The following PIK3CB variants were observed in gnomAD, a reference collection of about 807,000 sequenced individuals.
The protein encoded by PIK3CB is phosphatidylinositol 4,5-bisphosphate 3-kinase catalytic subunit beta isoform.
Under a neutral mutation model 136.8 loss-of-function variants are expected in PIK3CB, and 39 were observed. The observed-to-expected ratio is 0.29, with a 90% confidence interval of 0.22 to 0.37. PIK3CB has a LOEUF of 0.37. PIK3CB is among the 10% of genes least tolerant of loss of function. The probability of loss-of-function intolerance (pLI) is 1.00; values close to 1 mark genes in which losing one functional copy is unlikely to be tolerated. For missense variants in PIK3CB, 868 were observed against 1,275.4 expected, an observed-to-expected ratio of 0.68 and a Z score of 4.87; for synonymous variants, 428 against 436.6, an observed-to-expected ratio of 0.98 and a Z score of 0.25.
At chr3:138,712,124 G>T in intron 10 of PIK3CB, 84 bp downstream of exon 10, 1 of 564,092 alleles carries the variant, frequency 1.8e-6, no homozygotes, top group East Asian at 3.3e-5. Context: ...TAAATTGAAA[G>T]AACGGTGATT....
At chr3:138,724,455 G>A (rs1259808351) in intron 8 of PIK3CB, among the ~76,000 whole-genome samples, 2 of 152,140 alleles carry the variant, frequency 1.3e-5, no homozygotes, top group African/African-American at 4.8e-5. Context: ...TTTTTATGGA[G>A]GAGGCTCCAT....
At chr3:138,684,912 A>T in intron 16 of PIK3CB, 109 bp from the exon 17 acceptor site, 1 of 651,112 alleles carries the variant, frequency 1.5e-6, no homozygotes, top group Non-Finnish European at 2.5e-6. Context: ...ACATAACCAT[A>T]AACACACATA....
intron 2 of PIK3CB, among the ~76,000 whole-genome samples, chr3:138,760,756 A>C (rs573232858): frequency 1.6e-4 from 25 of 152,130 alleles, no homozygotes; most frequent in African/African-American, 3.6e-4. Flanking sequence ...ACATACAAAA[A>C]ATTGGCCAGG....
intron 1 of PIK3CB, among the ~76,000 whole-genome samples, chr3:138,809,562 C>T (rs1213084867): frequency 2.1e-5 from 3 of 140,736 alleles, no homozygotes; most frequent in African/African-American, 8.0e-5. Context: ...GCCAAGATTG[C>T]ACCATTGCAC....
At chr3:138,697,526 C>A (rs2044163522) in intron 13 of PIK3CB, among the ~76,000 whole-genome samples, 1 of 152,128 alleles carries the variant, frequency 6.6e-6, no homozygotes, top group Non-Finnish European at 1.5e-5. Flanking sequence ...ACCTCAGCCT[C>A]CCGGGCTCGA....
intron 1 of PIK3CB, among the ~76,000 whole-genome samples, chr3:138,832,075 A>C (rs1934062894): frequency 6.6e-6 from 1 of 152,238 alleles, no homozygotes; most frequent in African/African-American, 2.4e-5. Context: ...TGAGTTCAAC[A>C]GTCTAAGCTA....
At chr3:138,810,287 A>G (rs775940549) in intron 1 of PIK3CB, among the ~76,000 whole-genome samples, 2 of 152,168 alleles carry the variant, frequency 1.3e-5, no homozygotes, top group Non-Finnish European at 2.9e-5. Context: ...GAAAGGAACT[A>G]TAACGCCCCA....
Position 138,759,256 on chromosome 3 carries a change from T to C in PIK3CB, c.88A>G (p.Ile30Val). ...GTGGGCAAAAGGAAATCCACAGGTA[T>C]GGAGCCATCAGATGCTATCTGTGAA... The part of the protein sequence containing the change: ...VDSQIASDGS[I>V]PVDFLLPTGI... The change falls in exon 3 of 24, where the codon ATA becomes GTA. Residue 30 changes from isoleucine (I) to valine (V), a missense_variant. Ile to Val is a conservative substitution (Grantham distance 29). This residue lies in a region of PIK3CB where 612 missense variants were observed against 801.1 expected (regional missense o/e 0.76). Transcript: ENST00000674063. 6.2e-7 allele frequency: 1 copy of C among 1,613,410 alleles called. No homozygotes were observed. Among genetic ancestry groups the C allele is most frequent in the Non-Finnish European group, 8.5e-7 (1 of 1,179,408 alleles).
At chr3:138,718,035 C>T (rs1014677285) in intron 8 of PIK3CB, among the ~76,000 whole-genome samples, 5 of 152,152 alleles carry the variant, frequency 3.3e-5, no homozygotes, top group Non-Finnish European at 5.9e-5. Flanking sequence ...ATTTCTATTC[C>T]TCTGGGTATA....
intron 2 of PIK3CB, among the ~76,000 whole-genome samples, chr3:138,769,604 G>A: frequency 6.6e-6 from 1 of 152,284 alleles, no homozygotes; most frequent in Middle Eastern, 3.4e-3. Flanking sequence ...ACAAAATGTG[G>A]TGTTCTGCAA....
intron 4 of PIK3CB, among the ~76,000 whole-genome samples, chr3:138,754,114 G>A (rs2045522458): frequency 6.6e-6 from 1 of 151,664 alleles, no homozygotes; most frequent in Non-Finnish European, 1.5e-5. Context: ...CTTTTTATGG[G>A]CATGAGAACA....
chr3:138,671,974 T>A (rs1453533329), intron 19 of PIK3CB, among the ~76,000 whole-genome samples: 1 of 152,158 alleles, frequency 6.6e-6, no homozygotes, highest in South Asian at 2.1e-4. Flanking sequence ...AAGTTAGTCC[T>A]CTTTCTAAAT....
chr3:138,703,371 C>T (rs571132279), intron 12 of PIK3CB, among the ~76,000 whole-genome samples: 1 of 152,270 alleles, frequency 6.6e-6, no homozygotes, highest in South Asian at 2.1e-4. Flanking sequence ...GAAAAACATA[C>T]ACATTGTCTC....
chr3:138,721,711 A>G (rs904968293), intron 8 of PIK3CB, among the ~76,000 whole-genome samples: 2 of 152,146 alleles, frequency 1.3e-5, no homozygotes, highest in African/African-American at 4.8e-5. Flanking sequence ...CAGTACTAAG[A>G]CTGAATTAAT....
chr3:138,805,237 G>T lies in PIK3CB; in HGVS notation c.-121-8670C>A, dbSNP rs368809493. Reference sequence around the variant, plus strand: ...AATCTCAGCTACTCAGGAGGCTGAGGCAGGAGAATTCCTTGAACCCGGGAG... The same window carrying T: ...AATCTCAGCTACTCAGGAGGCTGAGTCAGGAGAATTCCTTGAACCCGGGAG... On this transcript the variant is annotated intron_variant, in intron 1 of 23. Coordinates refer to ENST00000674063, the MANE Select transcript of PIK3CB (RefSeq NM_006219.3). 3.5e-4 allele frequency among the ~76,000 whole-genome samples: 53 copies of T among 151,222 alleles called. No homozygotes were observed. The South Asian group carries it at 0.01, about 30-fold the overall frequency.
At chr3:138,697,799 T>C (rs1375969663) in intron 13 of PIK3CB, among the ~76,000 whole-genome samples, 1 of 152,062 alleles carries the variant, frequency 6.6e-6, no homozygotes, top group African/African-American at 2.4e-5. Context: ...TGCAATGGCA[T>C]TTGGTTCACT....
chr3:138,764,103 T>C (rs2045698076), intron 2 of PIK3CB, among the ~76,000 whole-genome samples: 2 of 137,332 alleles, frequency 1.5e-5, no homozygotes, highest in Admixed American at 7.6e-5. Context: ...AGGGCAAGAC[T>C]CCATCTCCAA....
chr3:138,757,654 G>C (rs1301691978), intron 3 of PIK3CB, among the ~76,000 whole-genome samples: 3 of 142,156 alleles, frequency 2.1e-5, no homozygotes, highest in African/African-American at 7.9e-5. Context: ...AGGAGAGGGA[G>C]AGGAAGGAGG....
intron 1 of PIK3CB, among the ~76,000 whole-genome samples, chr3:138,832,669 A>G (rs942886016): frequency 4.6e-5 from 7 of 151,998 alleles, no homozygotes; most frequent in Non-Finnish European, 1.0e-4. Flanking sequence ...TCTACCAAAA[A>G]AAGTACAAAA....
Sources: allele counts gnomAD v4.1 joint callset (sites outside exome capture counted in the v4.1 genomes callset), GRCh38; gene constraint gnomAD v4.1.1; regional missense constraint gnomAD v4.1.1; transcripts MANE v1.5; gene names NCBI Gene and HGNC (gene_info 2026-07-23, HGNC 2026-07-21).